CAPN8: variants seen among roughly 807,000 people sequenced by gnomAD.
The protein encoded by CAPN8 is calpain-8.
A neutral mutation model predicts 80.9 loss-of-function variants in CAPN8; 87 were observed. The ratio of observed to expected loss-of-function variants is 1.07; its 90% CI spans 0.90 to 1.28. The LOEUF is 1.28. CAPN8 is among the 50% of genes most tolerant of loss of function. The probability of loss-of-function intolerance (pLI) is 0.00; values close to 1 mark genes in which losing one functional copy is unlikely to be tolerated. For missense variants in CAPN8, 757 were observed against 702.0 expected, an observed-to-expected ratio of 1.08 and a Z score of -0.89; for synonymous variants, 299 against 273.8, an observed-to-expected ratio of 1.09 and a Z score of -0.91.
At chr1:223,615,612 C>T (rs1657147094) in intron 10 of CAPN8, among the ~76,000 whole-genome samples, 1 of 152,202 alleles carries the variant, frequency 6.6e-6, no homozygotes, top group Non-Finnish European at 1.5e-5. Flanking sequence ...TGCCCCTCAT[C>T]TTCCTTGTGC....
At chr1:223,609,569 G>C (rs1656982129) in intron 11 of CAPN8, among the ~76,000 whole-genome samples, 1 of 152,180 alleles carries the variant, frequency 6.6e-6, no homozygotes, top group African/African-American at 2.4e-5. Context: ...GGCCCTGTTT[G>C]AGGCATTGAT....
intron 2 of CAPN8, among the ~76,000 whole-genome samples, chr1:223,630,573 T>A (rs1657745380): frequency 6.6e-6 from 1 of 152,052 alleles, no homozygotes; most frequent in Non-Finnish European, 1.5e-5. Flanking sequence ...TGGACTCAAG[T>A]GATCCTCCCA....
chr1:223,613,616 C>G (rs1422101350), intron 10 of CAPN8, among the ~76,000 whole-genome samples: 2 of 152,246 alleles, frequency 1.3e-5, no homozygotes, highest in African/African-American at 4.8e-5. Context: ...AGTCATCTTT[C>G]AAATGCAGGA....
At chr1:223,663,245 G>A (rs1109222) in intron 1 of CAPN8, among the ~76,000 whole-genome samples, 25,461 of 152,198 alleles carry the variant, frequency 0.17, 2,668 homozygotes, top group East Asian at 0.29. Context: ...ATGTGGTTAA[G>A]GAGGTAAAGT....
chr1:223,609,181 C>T lies in CAPN8; in HGVS notation c.1507G>A (p.Val503Met), dbSNP rs1558338786. ...GCCTGGGCCTTCTTCTCTGAGAACA[C>T]TCTCAAGCAGAACTCGCCGTCTTTG... ...PFKDGEFCLR[V>M]FSEKKAQALE... The change falls in exon 12 of 21, where the codon GTG (valine) becomes ATG (methionine). Residue 503 changes from valine to methionine, a missense_variant. Transcript: ENST00000366872. 3 of 398,250 alleles carry T rather than the reference C, an allele frequency of 7.5e-6. No homozygotes were observed. The highest frequency in any genetic ancestry group is 4.4e-5 in the Admixed American group (1 of 22,692). 24.7% of individuals were successfully genotyped at this position (398,250 alleles called of 1,614,324 possible).
intron 1 of CAPN8, among the ~76,000 whole-genome samples, chr1:223,661,123 A>G (rs2102741100): frequency 6.6e-6 from 1 of 151,862 alleles, no homozygotes; most frequent in African/African-American, 2.4e-5. Context: ...CCAAGATTGA[A>G]CCACTGCAGT....
In CAPN8 at chr1:223,628,683, A is replaced by G. The variant is rs1027019529; in HGVS notation, c.405T>C (p.Tyr135=). Residue 135 remains tyrosine (Y), a synonymous_variant, in exon 3 of 21, where the codon TAT becomes TAC. Transcript: ENST00000366872. ...GTACCTGAAAGTGAAAGATTCCCGC[A>G]TAGTTCTCCTGGAAGTCCTGGTCCC... is the stretch of plus-strand genomic sequence containing the variant. The part of the protein sequence containing the change: ...VPRDQDFQEN[Y]AGIFHFQFWQ... The G allele has an allele frequency of 2.6e-6, 4 of 1,551,624 alleles. No homozygotes were observed. The highest frequency in any genetic ancestry group is 3.5e-6 in the Non-Finnish European group (4 of 1,146,888).
intron 12 of CAPN8, 115 bp downstream of exon 12, chr1:223,609,038 G>A: frequency 2.5e-6 from 1 of 396,528 alleles, no homozygotes; most frequent in Non-Finnish European, 4.4e-6. Context: ...TTTCTTAGAG[G>A]CTTCTTCTGG....
chr1:223,655,363 A>T (rs1444588510), intron 1 of CAPN8, among the ~76,000 whole-genome samples: 2 of 152,004 alleles, frequency 1.3e-5, no homozygotes, highest in African/African-American at 4.8e-5. Context: ...CAGCAATCTC[A>T]TGGCCCTGGT....
rs573285667 is a variant in CAPN8, at chr1:223,544,085, G to A, written c.2011C>T (p.Arg671Cys). Residue 671 changes from arginine to cysteine, a missense_variant, in exon 19 of 21, where the codon CGC becomes TGC. Physicochemically the swap from Arg to Cys is radical, Grantham distance 180. Transcript: ENST00000366872. ...GACTCACTGAAGAGGGTCTCCAGGCGGATCATACAAGCCACGAAGCTGTCA... is the reference window on the plus strand; with the variant it reads ...GACTCACTGAAGAGGGTCTCCAGGCAGATCATACAAGCCACGAAGCTGTCA... ...NFDSFVACMI[R>C]LETLFKLFSL... 1.3e-4 allele frequency: 93 copies of A among 718,222 alleles called. No individual in the cohort carries two copies. Among genetic ancestry groups the A allele is most frequent in the East Asian group, 1.2e-3 (46 of 37,282 alleles). 44.5% of individuals were successfully genotyped at this position (718,222 alleles called of 1,614,324 possible). A position where few individuals can be genotyped will look rare whatever the true frequency, so the allele number is the denominator to read the frequency against.
intron 1 of CAPN8, among the ~76,000 whole-genome samples, chr1:223,657,381 A>G (rs1558358608): frequency 6.6e-6 from 1 of 151,408 alleles, no homozygotes; most frequent in African/African-American, 2.4e-5. Flanking sequence ...GTTTTTAAAA[A>G]AAGAAGGAAA....
At chr1:223,648,257 T>C (rs1177703922) in intron 2 of CAPN8, among the ~76,000 whole-genome samples, 1 of 152,162 alleles carries the variant, frequency 6.6e-6, no homozygotes, top group Middle Eastern at 3.2e-3. Context: ...GGTAGCAAAG[T>C]GAACTTCCCC....
At chr1:223,556,086 C>T (rs1212279629) in intron 13 of CAPN8, among the ~76,000 whole-genome samples, 1 of 152,226 alleles carries the variant, frequency 6.6e-6, no homozygotes, top group East Asian at 1.9e-4. Context: ...TACAACCCTG[C>T]TCAAAGTGAA....
At chr1:223,658,815 A>G (rs1392516343) in intron 1 of CAPN8, among the ~76,000 whole-genome samples, 1 of 152,102 alleles carries the variant, frequency 6.6e-6, no homozygotes, top group African/African-American at 2.4e-5. Flanking sequence ...CAAAAAAGAA[A>G]AAGAAAAAGA....
At chr1:223,546,275 C>T (rs1258448283) in intron 16 of CAPN8, among the ~76,000 whole-genome samples, 2 of 152,192 alleles carry the variant, frequency 1.3e-5, no homozygotes, top group Non-Finnish European at 2.9e-5. Context: ...GCCCCAGCTA[C>T]TCAGGAGGCT....
chr1:223,641,050 G>T (rs2102724856), intron 2 of CAPN8, among the ~76,000 whole-genome samples: 1 of 152,250 alleles, frequency 6.6e-6, no homozygotes, highest in South Asian at 2.1e-4. Context: ...GGCAGGACTG[G>T]TCCTTGAAAA....
intron 2 of CAPN8, among the ~76,000 whole-genome samples, chr1:223,638,153 T>C (rs1047900131): frequency 5.3e-5 from 8 of 152,222 alleles, no homozygotes; most frequent in African/African-American, 1.9e-4. Context: ...CCCTGAATGA[T>C]ACCATATAAC....
intron 15 of CAPN8, among the ~76,000 whole-genome samples, chr1:223,550,220 C>T (rs1656745902): frequency 6.6e-6 from 1 of 152,136 alleles, no homozygotes; most frequent in African/African-American, 2.4e-5. Flanking sequence ...GGAGAGGAGA[C>T]GGGCCTGTGC....
intron 11 of CAPN8, among the ~76,000 whole-genome samples, chr1:223,609,941 C>T (rs962372665): frequency 2.9e-3 from 449 of 152,322 alleles, no homozygotes; most frequent in African/African-American, 0.01. Flanking sequence ...CTGGGGTCCC[C>T]CCAGCCTCCC....
Sources: allele counts gnomAD v4.1 joint callset (sites outside exome capture counted in the v4.1 genomes callset), GRCh38; gene constraint gnomAD v4.1.1; transcripts MANE v1.5; gene names NCBI Gene and HGNC (gene_info 2026-07-23, HGNC 2026-07-21).